DLG2: variants seen among roughly 807,000 people sequenced by gnomAD.
DLG2 encodes the protein discs large MAGUK scaffold protein 2, also known as disks large homolog 2.
DLG2 carries 45 observed loss-of-function variants against 132.5 expected under a neutral mutation model. The ratio of observed to expected loss-of-function variants is 0.34; its 90% CI spans 0.27 to 0.44. The LOEUF is 0.44. Ranked by LOEUF, DLG2 falls within the 20% of genes least tolerant of loss-of-function variation. DLG2 has a pLI of 1.00. For synonymous variants in DLG2, 424 were observed against 419.6 expected (o/e 1.01, Z -0.13); for missense variants, 1,045 against 1,196.9 (o/e 0.87, Z 1.87).
chr11:84,429,535 G>A (rs1320042852), intron 7 of DLG2, among the ~76,000 whole-genome samples: 1 of 152,118 alleles, frequency 6.6e-6, no homozygotes, highest in African/African-American at 2.4e-5. Context: ...GATGCTAGGT[G>A]TCCAGACCAA....
intron 6 of DLG2, among the ~76,000 whole-genome samples, chr11:84,768,795 A>G (rs2068805280): frequency 6.6e-6 from 1 of 152,096 alleles, no homozygotes; most frequent in Admixed American, 6.6e-5. Flanking sequence ...AAATGCTCCC[A>G]GGAATCTCTC....
At chr11:83,629,809 C>T (rs1477152922) in intron 19 of DLG2, among the ~76,000 whole-genome samples, 1 of 152,148 alleles carries the variant, frequency 6.6e-6, no homozygotes, top group East Asian at 1.9e-4. Flanking sequence ...TCCAGTAGCT[C>T]AGGAGCCTAA....
intron 6 of DLG2, among the ~76,000 whole-genome samples, chr11:84,902,105 T>C (rs2090960143): frequency 6.6e-6 from 1 of 152,136 alleles, no homozygotes; most frequent in Non-Finnish European, 1.5e-5. Context: ...CTCTTGGGCT[T>C]TCTTGGAAGG....
In DLG2 at chr11:83,459,668, T is replaced by C. The variant is rs1400070069; in HGVS notation, c.*150A>G. The C allele has an allele frequency of 1.7e-6, 1 of 573,894 alleles. No individual in the cohort carries two copies. The highest frequency in any genetic ancestry group is 3.1e-6 in the Non-Finnish European group (1 of 320,442). The allele number at this position is 573,894 out of a possible 1,614,324, so 35.6% of individuals were successfully genotyped here. A position where few individuals can be genotyped will look rare whatever the true frequency, so the allele number is the denominator to read the frequency against. ...TGGCCCCTCTGTTTCCTTCATGGCT[T>C]CATACAGTTTGTGTTGTACATTCGT... On this transcript the variant is annotated 3_prime_UTR_variant, in exon 28 of 28. Coordinates refer to ENST00000376104, the MANE Select transcript of DLG2 (RefSeq NM_001142699.3).
chr11:83,983,831 C>T (rs984072857), intron 11 of DLG2, among the ~76,000 whole-genome samples: 1 of 152,100 alleles, frequency 6.6e-6, no homozygotes, highest in East Asian at 1.9e-4. Context: ...ATTTAAAATA[C>T]ATATCAGCTC....
rs1218592731 is a variant in DLG2 at position 83,620,786 on chromosome 11, C to T, written c.1940+12425G>A. Among the ~76,000 whole-genome samples the T allele has an allele frequency of 8.1e-5, 11 of 136,080 alleles. No individual in the cohort carries two copies. The East Asian group carries it at 1.4e-3, about 18-fold the overall frequency. The allele number at this position is 136,080 out of a possible 152,430, so 89.3% of individuals were successfully genotyped here. ...TTGGGAGGCTGAGGCAGGAGAATGG[C>T]GTGAACCCAGGAGGCGGAGCTTGCA... On this transcript the variant is annotated intron_variant, in intron 19 of 27. Transcript: ENST00000376104.
intron 18 of DLG2, among the ~76,000 whole-genome samples, chr11:83,763,420 T>A (rs954920450): frequency 1.3e-5 from 2 of 152,198 alleles, no homozygotes; most frequent in African/African-American, 4.8e-5. Context: ...TTAGTGTGAA[T>A]CAAGATTGTT....
At chr11:83,725,746 G>T (rs1046765961) in intron 18 of DLG2, among the ~76,000 whole-genome samples, 1 of 152,170 alleles carries the variant, frequency 6.6e-6, no homozygotes, top group Admixed American at 6.5e-5. Context: ...TACGCTTAAG[G>T]ACTTTTGTTT....
At chr11:83,477,743 T>G (rs888872985) in intron 22 of DLG2, among the ~76,000 whole-genome samples, 6 of 62,172 alleles carry the variant, frequency 9.7e-5, no homozygotes, top group African/African-American at 2.0e-4. Context: ...AAAAGAGGGG[T>G]TTTTTTTTGT....
chr11:85,523,920 T>C (rs2074529778), intron 3 of DLG2, among the ~76,000 whole-genome samples: 1 of 152,204 alleles, frequency 6.6e-6, no homozygotes, highest in Non-Finnish European at 1.5e-5. Context: ...AATGAGATCA[T>C]GTCATTTGCA....
intron 3 of DLG2, among the ~76,000 whole-genome samples, chr11:85,472,875 C>A (rs1422034543): frequency 6.6e-6 from 1 of 152,210 alleles, no homozygotes; most frequent in Non-Finnish European, 1.5e-5. Flanking sequence ...GAAACCCACT[C>A]CTTCTGCCAA....
At chr11:84,356,947 A>G (rs2098616893) in intron 7 of DLG2, among the ~76,000 whole-genome samples, 1 of 152,050 alleles carries the variant, frequency 6.6e-6, no homozygotes, top group Admixed American at 6.6e-5. Context: ...TTCAAGGGCT[A>G]TTGGGTAGAA....
At chr11:85,233,476 G>A (rs1320267688) in intron 4 of DLG2, among the ~76,000 whole-genome samples, 2 of 151,824 alleles carry the variant, frequency 1.3e-5, no homozygotes, top group Non-Finnish European at 2.9e-5. Context: ...ATTTATAGCA[G>A]CCATTAATAA....
chr11:85,316,857 G>A (rs1452120721), intron 3 of DLG2, among the ~76,000 whole-genome samples: 1 of 151,844 alleles, frequency 6.6e-6, no homozygotes, highest in Non-Finnish European at 1.5e-5. Context: ...GTAAATAAAA[G>A]TACGGTCCCC....
chr11:84,983,601 C>CA (rs1331704163), intron 6 of DLG2, among the ~76,000 whole-genome samples: 1 of 152,036 alleles, frequency 6.6e-6, no homozygotes, highest in East Asian at 1.9e-4. Context: ...TAACACTCCC[C>CA]AAAAAATCAC....
intron 6 of DLG2, among the ~76,000 whole-genome samples, chr11:85,100,464 A>G (rs1594175697): frequency 1.3e-5 from 2 of 152,306 alleles, no homozygotes; most frequent in South Asian, 4.1e-4. Context: ...GGTGAGAAAA[A>G]GACGATTTTA....
rs1446554772 is a variant in DLG2 at position 83,788,019 on chromosome 11, AC to A, written c.1723-1228del. Among the ~76,000 whole-genome samples the A allele has an allele frequency of 2.0e-5, 3 of 152,350 alleles. No homozygotes were observed. In the East Asian group the frequency reaches 5.8e-4, roughly 29 times the overall value. On this transcript the variant is annotated intron_variant, in intron 17 of 27. Coordinates refer to ENST00000376104, the MANE Select transcript of DLG2 (RefSeq NM_001142699.3). ...CACAGTAAGTATGGGTTTCTAACCT[AC>A]AAAAAACTAACTTTTTGCAGATGAT...
At chr11:84,657,592 A>G (rs1401790559) in intron 6 of DLG2, among the ~76,000 whole-genome samples, 1 of 152,120 alleles carries the variant, frequency 6.6e-6, no homozygotes, top group African/African-American at 2.4e-5. Context: ...TTAGATTCTC[A>G]TAAGAAGTAC....
chr11:84,411,213 T>C (rs148558140), intron 7 of DLG2, among the ~76,000 whole-genome samples: 49 of 152,336 alleles, frequency 3.2e-4, no homozygotes, highest in African/African-American at 1.1e-3. Flanking sequence ...CATGAAATGC[T>C]GATTCCAAAA....
Sources: allele counts gnomAD v4.1 joint callset (sites outside exome capture counted in the v4.1 genomes callset), GRCh38; gene constraint gnomAD v4.1.1; transcripts MANE v1.5; gene names NCBI Gene and HGNC (gene_info 2026-07-23, HGNC 2026-07-21).